ANGPT1: variants seen among roughly 807,000 people sequenced by gnomAD.
ANGPT1 encodes angiopoietin-1.
In ANGPT1, 17 loss-of-function variants were observed where a neutral mutation model predicts 62.2. The ratio of observed to expected loss-of-function variants is 0.27; its 90% CI spans 0.19 to 0.41. The LOEUF is 0.41. ANGPT1 is among the 10% of genes least tolerant of loss of function. The probability of loss-of-function intolerance (pLI) is 1.00; values close to 1 mark genes in which losing one functional copy is unlikely to be tolerated. For synonymous variants in ANGPT1, 199 were observed against 198.9 expected (o/e 1.00, Z 0.00); for missense variants, 478 against 594.9 (o/e 0.80, Z 2.04).
intron 7 of ANGPT1, among the ~76,000 whole-genome samples, chr8:107,267,962 T>A (rs149025621): frequency 3.3e-5 from 5 of 152,190 alleles, no homozygotes; most frequent in African/African-American, 1.2e-4. Context: ...CTCCTATCCA[T>A]CCTTTAAGAT....
At chr8:107,365,615 T>C (rs983091403) in intron 1 of ANGPT1, among the ~76,000 whole-genome samples, 8 of 152,142 alleles carry the variant, frequency 5.3e-5, no homozygotes, top group African/African-American at 1.9e-4. Context: ...TCCATGAGCA[T>C]TGGGATTTCG....
chr8:107,497,348 C>A lies in ANGPT1; in HGVS notation c.211G>T (p.Ala71Ser), dbSNP rs1432801701. ...QYNTNALQRDAPHVEPDFSSQ... is the reference protein window; with the variant it reads ...QYNTNALQRDSPHVEPDFSSQ... ...GAGAAATCCGGTTCCACGTGTGGAG[C>A]ATCTCTCTGCAGAGCGTTTGTGTTG... Residue 71 changes from alanine to serine, a missense_variant, in exon 1 of 9, where the codon GCT becomes TCT. Transcript: ENST00000517746. 8 of 1,614,192 alleles carry A rather than the reference C, an allele frequency of 5.0e-6. No individual in the cohort carries two copies. Among genetic ancestry groups the A allele is most frequent in the Non-Finnish European group, 5.1e-6 (6 of 1,180,014 alleles).
At chr8:107,483,763 G>A (rs1389952823) in intron 1 of ANGPT1, among the ~76,000 whole-genome samples, 1 of 152,080 alleles carries the variant, frequency 6.6e-6, no homozygotes, top group African/African-American at 2.4e-5. Context: ...ATACTGTAAT[G>A]AAGTGTTCCT....
chr8:107,423,966 G>A (rs1047727350), intron 1 of ANGPT1, among the ~76,000 whole-genome samples: 12 of 148,448 alleles, frequency 8.1e-5, no homozygotes, highest in East Asian at 4.0e-4. Flanking sequence ...TCAGCCTCCC[G>A]AGTAGCTAGG....
intron 1 of ANGPT1, among the ~76,000 whole-genome samples, chr8:107,357,089 C>A (rs150598059): frequency 2.8e-4 from 43 of 152,288 alleles, no homozygotes; most frequent in Admixed American, 9.8e-4. Context: ...ATGTTCATTT[C>A]ATTGCAGTTT....
chr8:107,493,630 C>G (rs1466418349), intron 1 of ANGPT1, among the ~76,000 whole-genome samples: 2 of 150,262 alleles, frequency 1.3e-5, no homozygotes, highest in African/African-American at 4.9e-5. Flanking sequence ...TGACAGTAGA[C>G]AGTAAAGTGC....
chr8:107,323,771 GTTGT>G (rs779943951), intron 3 of ANGPT1, among the ~76,000 whole-genome samples: 29 of 151,974 alleles, frequency 1.9e-4, no homozygotes, highest in Middle Eastern at 3.4e-3. Context: ...TTTTGTTGTT[GTTGT>G]TTGTTTGTTT....
chr8:107,474,087 T>C (rs1812439528), intron 1 of ANGPT1, among the ~76,000 whole-genome samples: 1 of 152,122 alleles, frequency 6.6e-6, no homozygotes, highest in Admixed American at 6.6e-5. Flanking sequence ...ACTCATTTCA[T>C]GACGCCAGCA....
chr8:107,382,094 C>T (rs1631690), intron 1 of ANGPT1, among the ~76,000 whole-genome samples: 72,436 of 151,888 alleles, frequency 0.48, 19,119 homozygotes, highest in Non-Finnish European at 0.59. Flanking sequence ...AATAGGTCAC[C>T]TGCTACTTTT....
At chr8:107,343,696 T>G (rs1815743989) in intron 2 of ANGPT1, among the ~76,000 whole-genome samples, 1 of 152,176 alleles carries the variant, frequency 6.6e-6, no homozygotes, top group East Asian at 1.9e-4. Flanking sequence ...CCACATTAAC[T>G]CAAACTCATG....
intron 7 of ANGPT1, among the ~76,000 whole-genome samples, chr8:107,283,099 G>A (rs1481828804): frequency 6.6e-6 from 1 of 152,092 alleles, no homozygotes; most frequent in Non-Finnish European, 1.5e-5. Context: ...CCTAGGAAAA[G>A]ACTAGACTAA....
chr8:107,465,313 G>T lies in ANGPT1; in HGVS notation c.297+31949C>A, dbSNP rs1007191087. 2.0e-5 allele frequency among the ~76,000 whole-genome samples: 3 copies of T among 152,250 alleles called. No homozygotes were observed. The South Asian group carries it at 6.2e-4, about 32-fold the overall frequency. ...AACTGGCAAACTGCTGCATATATTA[G>T]TAAGAAATGTTAGGGATGCTTTTTG... On this transcript the variant is annotated intron_variant, in intron 1 of 8. Transcript: ENST00000517746.
intron 1 of ANGPT1, among the ~76,000 whole-genome samples, chr8:107,399,314 G>A (rs1283695): frequency 0.79 from 119,696 of 152,112 alleles, 47,239 homozygotes; most frequent in East Asian, 0.91. Context: ...GCTTGGAGAT[G>A]GTTGGCATTT....
At chr8:107,255,428 C>T (rs552612073) in intron 8 of ANGPT1, among the ~76,000 whole-genome samples, 1 of 152,196 alleles carries the variant, frequency 6.6e-6, no homozygotes, top group African/African-American at 2.4e-5. Flanking sequence ...TTTATTACAC[C>T]TTTAGACATT....
intron 4 of ANGPT1, among the ~76,000 whole-genome samples, chr8:107,318,981 G>A (rs771132675): frequency 1.3e-5 from 2 of 152,154 alleles, no homozygotes; most frequent in Non-Finnish European, 1.5e-5. Flanking sequence ...CTGCCTGGAT[G>A]ACTGTCAACA....
intron 3 of ANGPT1, among the ~76,000 whole-genome samples, chr8:107,333,552 A>T (rs973822693): frequency 6.6e-6 from 1 of 152,202 alleles, no homozygotes; most frequent in African/African-American, 2.4e-5. Context: ...GATGTGATTT[A>T]CACGTGTAAG....
At chr8:107,279,616 A>G (rs1320337818) in intron 7 of ANGPT1, among the ~76,000 whole-genome samples, 2 of 152,190 alleles carry the variant, frequency 1.3e-5, no homozygotes, top group Admixed American at 6.5e-5. Context: ...CATCTGGTGT[A>G]TAGTATGTGT....
chr8:107,255,374 G>A (rs1813334214), intron 8 of ANGPT1, among the ~76,000 whole-genome samples: 1 of 152,074 alleles, frequency 6.6e-6, no homozygotes, highest in Non-Finnish European at 1.5e-5. Context: ...AAGGGTTGGA[G>A]AATATAGGGC....
At chr8:107,479,101 T>G (rs1439437342) in intron 1 of ANGPT1, among the ~76,000 whole-genome samples, 1 of 151,968 alleles carries the variant, frequency 6.6e-6, no homozygotes, top group Non-Finnish European at 1.5e-5. Flanking sequence ...TGTATGTGAT[T>G]TCCTTATTCA....
Sources: allele counts gnomAD v4.1 joint callset (sites outside exome capture counted in the v4.1 genomes callset), GRCh38; gene constraint gnomAD v4.1.1; transcripts MANE v1.5; gene names NCBI Gene and HGNC (gene_info 2026-07-23, HGNC 2026-07-21).